Variants in EML6 observed in about 807,000 individuals in gnomAD.
The protein encoded by EML6 is EMAP like 6.
A neutral mutation model predicts 240.1 loss-of-function variants in EML6; 154 were observed. The ratio of observed to expected loss-of-function variants is 0.64; its 90% confidence interval spans 0.56 to 0.73. The LOEUF (loss-of-function observed/expected upper bound fraction) is 0.73, where lower values mean the gene tolerates loss of function less well. Among genes scored for constraint, EML6 ranks in the 30% least tolerant of loss-of-function variants. The pLI, the probability that EML6 is intolerant of heterozygous loss-of-function variation, is 0.00. For synonymous variants in EML6, 1,148 were observed against 899.0 expected (o/e 1.28, Z -4.95); for missense variants, 2,964 against 2,474.6 (o/e 1.20, Z -4.20).
intron 28 of EML6, among the ~76,000 whole-genome samples, chr2:54,930,846 G>A (rs1384262718): frequency 2.0e-5 from 3 of 151,678 alleles, no homozygotes; most frequent in Non-Finnish European, 2.9e-5. Flanking sequence ...CAACTTAGCA[G>A]TCTCCATGGG....
intron 5 of EML6, among the ~76,000 whole-genome samples, chr2:54,826,949 G>T (rs1039759863): frequency 3.9e-5 from 6 of 152,192 alleles, no homozygotes; most frequent in African/African-American, 1.4e-4. Flanking sequence ...GAGGAGGGCA[G>T]ATTACTTGAG....
chr2:54,809,188 C>T (rs997432435), intron 2 of EML6, among the ~76,000 whole-genome samples: 1 of 152,124 alleles, frequency 6.6e-6, no homozygotes, highest in East Asian at 1.9e-4. Context: ...AAATAACTTG[C>T]AAAAGTTGCA....
At chr2:54,809,279 A>G (rs1670663803) in intron 2 of EML6, among the ~76,000 whole-genome samples, 1 of 152,244 alleles carries the variant, frequency 6.6e-6, no homozygotes, top group Non-Finnish European at 1.5e-5. Flanking sequence ...AGTAGTGTCC[A>G]TACTTCCAGT....
At chr2:54,958,803 C>T (rs1049369798) in intron 33 of EML6, among the ~76,000 whole-genome samples, 5 of 152,174 alleles carry the variant, frequency 3.3e-5, no homozygotes, top group African/African-American at 1.2e-4. Context: ...TCTGCCCCAT[C>T]CCTGCTGTCA....
chr2:54,947,442 C>T (rs753939241), intron 28 of EML6, among the ~76,000 whole-genome samples: 3 of 152,072 alleles, frequency 2.0e-5, no homozygotes, highest in Non-Finnish European at 2.9e-5. Flanking sequence ...GATTACATAA[C>T]GTGTTTTGAT....
chr2:54,952,571 C>G, intron 30 of EML6, 23 bp from the exon 31 acceptor site: 1 of 1,504,598 alleles, frequency 6.6e-7, no homozygotes, highest in Non-Finnish European at 9.0e-7. Context: ...ACTGTTCACC[C>G]TCCCATGATC....
intron 2 of EML6, among the ~76,000 whole-genome samples, chr2:54,797,775 G>T (rs1476274890): frequency 6.6e-6 from 1 of 152,260 alleles, no homozygotes; most frequent in East Asian, 1.9e-4. Flanking sequence ...TATAAATCCT[G>T]TCTCTACCAC....
intron 2 of EML6, among the ~76,000 whole-genome samples, chr2:54,788,099 A>G (rs1163472365): frequency 6.6e-6 from 1 of 152,156 alleles, no homozygotes; most frequent in Non-Finnish European, 1.5e-5. Context: ...AAACTAGCCA[A>G]CCACTGCCCT....
At chr2:54,800,271 G>C (rs2103965422) in intron 2 of EML6, among the ~76,000 whole-genome samples, 1 of 152,184 alleles carries the variant, frequency 6.6e-6, no homozygotes, top group African/African-American at 2.4e-5. Context: ...TGGAGGAGTT[G>C]GATTGAATGA....
chr2:54,956,637 C>CA (rs941315992), intron 32 of EML6, among the ~76,000 whole-genome samples: 1 of 151,758 alleles, frequency 6.6e-6, no homozygotes, highest in Non-Finnish European at 1.5e-5. Flanking sequence ...TGTGGGTCCC[C>CA]CTAGCCTCGC....
At chr2:54,863,654 A>G (rs1357499252) in intron 12 of EML6, 129 bp from the exon 13 acceptor site, 6 of 651,168 alleles carry the variant, frequency 9.2e-6, no homozygotes, top group East Asian at 8.7e-5. Flanking sequence ...TTAACAATTT[A>G]TATTAAATGA....
chr2:54,811,410 C>A (rs1250102856), intron 2 of EML6, among the ~76,000 whole-genome samples: 3 of 152,210 alleles, frequency 2.0e-5, no homozygotes, highest in Non-Finnish European at 4.4e-5. Context: ...TGCACCTTGT[C>A]TTTCATATGA....
At chr2:54,735,933 AGAAAGTGACTTTT>A (rs1319841720) in intron 2 of EML6, among the ~76,000 whole-genome samples, 3 of 152,192 alleles carry the variant, frequency 2.0e-5, no homozygotes, top group African/African-American at 7.2e-5. Context: ...AGACCCCTGG[AGAAAGTGACTTTT>A]GAAGGCTGAA....
chr2:54,927,579 C>T (rs1573160112), intron 26 of EML6, among the ~76,000 whole-genome samples: 1 of 152,162 alleles, frequency 6.6e-6, no homozygotes, highest in Non-Finnish European at 1.5e-5. Flanking sequence ...GAAGCTTTTT[C>T]TGGTGCCAGC....
intron 28 of EML6, among the ~76,000 whole-genome samples, chr2:54,938,998 A>G (rs1675291659): frequency 6.6e-6 from 1 of 152,230 alleles, no homozygotes; most frequent in Non-Finnish European, 1.5e-5. Context: ...ACTCTGTGAA[A>G]GCAAAATTTC....
rs1014984163 is a variant in EML6, at chr2:54,967,035, G to T, written c.5529G>T (p.Glu1843Asp). The T allele has an allele frequency of 1.3e-6, 2 of 1,551,404 alleles. No individual in the cohort carries two copies. Among genetic ancestry groups the T allele is most frequent in the African/African-American group, 1.4e-5 (1 of 73,160 alleles). Residue 1843 changes from glutamate to aspartate, a missense_variant, in exon 39 of 42, where the codon GAG becomes GAT. By Grantham distance (45) the Glu-to-Asp change is conservative. Transcript: ENST00000356458. ...STGAYKRQVH[E>D]VPLGKQVTEA... ...GTGCCTATAAGCGCCAGGTGCATGA[G>T]GTCCCCCTGGGGAAGCAGGTAACTG...
intron 28 of EML6, among the ~76,000 whole-genome samples, chr2:54,937,553 TAAAAAA>T (rs34682923): frequency 1.0e-4 from 7 of 68,152 alleles, no homozygotes; most frequent in African/African-American, 1.8e-4. Context: ...ACTCTGTCTT[TAAAAAA>T]AAAAAAAAAA....
chr2:54,761,291 A>G (rs762507323), intron 2 of EML6, among the ~76,000 whole-genome samples: 4 of 152,156 alleles, frequency 2.6e-5, no homozygotes, highest in Admixed American at 6.5e-5. Context: ...ATAATAAACA[A>G]TACGCTTTGT....
At position 54,724,963 on chromosome 2, in the gene EML6, C is replaced by A. The variant is rs1030213338; in HGVS notation, c.-99C>A. 7.8e-6 allele frequency: 8 copies of A among 1,027,526 alleles called. No individual in the cohort carries two copies. Among genetic ancestry groups the A allele is most frequent in the African/African-American group, 1.7e-5 (1 of 58,568 alleles). The allele number at this position is 1,027,526 out of a possible 1,614,324, so 63.7% of individuals were successfully genotyped here. A position where few individuals can be genotyped will look rare whatever the true frequency, so the allele number is the denominator to read the frequency against. ...TGTCGCCGCGGAAATCAGCGCCCTG[C>A]GCCGCGCGCTGAGCCCCTGCAGGTC... On this transcript the variant is annotated 5_prime_UTR_variant, in exon 2 of 42. An upstream open reading frame in the 5' UTR gains an earlier in-frame stop. Coordinates refer to ENST00000356458, the MANE Select transcript of EML6 (RefSeq NM_001039753.4). The surrounding 1 kb of genome is among the most constrained non-coding windows in gnomAD (Gnocchi z 5.2).
Sources: gnomAD v4.1 joint callset for allele counts (sites outside exome capture counted in the v4.1 genomes callset) on GRCh38, gnomAD v4.1.1 for gene constraint, Gnocchi (gnomAD v3.1) non-coding constraint, MANE v1.5 for transcripts, NCBI Gene and HGNC (gene_info 2026-07-23, HGNC 2026-07-21) for gene names.